The following IGF2BP1 variants were observed in gnomAD, a reference collection of about 807,000 sequenced individuals.
IGF2BP1 encodes the protein insulin-like growth factor 2 mRNA-binding protein 1.
In IGF2BP1, 11 loss-of-function variants were observed where a neutral mutation model predicts 74.9. The ratio of observed to expected loss-of-function variants is 0.15; its 90% CI spans 0.09 to 0.24. IGF2BP1 has a LOEUF of 0.24. Among genes scored for constraint, IGF2BP1 ranks in the 10% least tolerant of loss-of-function variants. The pLI is 1.00. For synonymous variants in IGF2BP1, 287 were observed against 281.8 expected, an observed-to-expected ratio of 1.02 and a Z score of -0.18; for missense variants, 440 against 757.4, an observed-to-expected ratio of 0.58 and a Z score of 4.92.
rs1052336297 is a variant in IGF2BP1 at position 49,052,819 on chromosome 17, C to CT, written c.*3376dup. ...GACTTAAAAAAAATGCTTCTGTGCTCTAAGATATATATGTGTGTGTGTGTG... is the reference window on the plus strand; with the variant it reads ...GACTTAAAAAAAATGCTTCTGTGCTCTTAAGATATATATGTGTGTGTGTGTG... On this transcript the variant is annotated 3_prime_UTR_variant, in exon 15 of 15. Transcript: ENST00000290341. 1 of 152,482 alleles carries CT rather than the reference C, an allele frequency of 6.6e-6. No individual in the cohort carries two copies. The highest frequency in any genetic ancestry group is 2.4e-5 in the African/African-American group (1 of 41,404). 9.4% of individuals were successfully genotyped at this position (152,482 alleles called of 1,614,324 possible). A position where few individuals can be genotyped will look rare whatever the true frequency, so the allele number is the denominator to read the frequency against.
chr17:49,040,952 C>T (rs944104778), intron 7 of IGF2BP1, among the ~76,000 whole-genome samples: 1 of 152,104 alleles, frequency 6.6e-6, no homozygotes, highest in Non-Finnish European at 1.5e-5. Flanking sequence ...GCCTCTAATC[C>T]CAGCACTTTG....
intron 2 of IGF2BP1, among the ~76,000 whole-genome samples, chr17:49,007,468 T>C (rs1478892875): frequency 1.3e-5 from 2 of 152,324 alleles, no homozygotes; most frequent in East Asian, 3.9e-4. Context: ...CACACGTCCA[T>C]AGCCCCAGCC....
chr17:49,011,156 A>C lies in IGF2BP1; in HGVS notation c.236+11987A>C, dbSNP rs66460624. Among the ~76,000 whole-genome samples the C allele has an allele frequency of 1.4e-3, 210 of 149,292 alleles. 2 individuals are homozygous for C. In the Middle Eastern group the frequency reaches 0.021, roughly 15 times the overall value. On this transcript the variant is annotated intron_variant, in intron 2 of 14. Coordinates refer to ENST00000290341, the MANE Select transcript of IGF2BP1 (RefSeq NM_006546.4). ...CTGTCTCAAAAAAAAAAAAAAAAAA[A>C]AAAAAAAAAAACAAACCCTAAAAAA...
Position 48,998,058 on chromosome 17 carries a change from A to AC in IGF2BP1, c.175+143dup, listed in dbSNP as rs1462311839. 12 of 820,460 alleles carry AC rather than the reference A, an allele frequency of 1.5e-5. No individual in the cohort carries two copies. In the Admixed American group the frequency reaches 3.0e-4, roughly 21 times the overall value. 50.8% of individuals were successfully genotyped at this position (820,460 alleles called of 1,614,324 possible). ...TGGCCTCCGTACCCACCCTCGACCT[A>AC]CCCCCTTCGATGCCCCCTCCCTCGC... On this transcript the variant is annotated intron_variant, in intron 1 of 14. Coordinates refer to ENST00000290341, the MANE Select transcript of IGF2BP1 (RefSeq NM_006546.4).
At chr17:48,999,523 A>C (rs1479488219) in intron 2 of IGF2BP1, among the ~76,000 whole-genome samples, 1 of 152,116 alleles carries the variant, frequency 6.6e-6, no homozygotes, top group Non-Finnish European at 1.5e-5. Context: ...GTTCAGACTC[A>C]TGGCGATTTC....
At chr17:49,039,171 C>T (rs1054997702) in intron 6 of IGF2BP1, among the ~76,000 whole-genome samples, 3 of 152,166 alleles carry the variant, frequency 2.0e-5, no homozygotes, top group East Asian at 1.9e-4. Context: ...CTACCACACC[C>T]GGCCTTTTCT....
chr17:49,016,321 C>T (rs1391146067), intron 2 of IGF2BP1, among the ~76,000 whole-genome samples: 2 of 152,194 alleles, frequency 1.3e-5, no homozygotes, highest in African/African-American at 4.8e-5. Flanking sequence ...AGAGGCTTAC[C>T]CCTTTCCTTT....
At chr17:49,046,666 AAT>A (rs201160910) in intron 14 of IGF2BP1, among the ~76,000 whole-genome samples, 18 of 148,776 alleles carry the variant, frequency 1.2e-4, no homozygotes, top group African/African-American at 3.2e-4. Context: ...ATTATATGTA[AAT>A]ATATATATAT....
intron 14 of IGF2BP1, among the ~76,000 whole-genome samples, chr17:49,047,340 A>T (rs2042117440): frequency 6.6e-6 from 1 of 152,016 alleles, no homozygotes; most frequent in East Asian, 1.9e-4. Context: ...TATATATATA[A>T]AATAACAAAA....
At chr17:49,026,620 C>T (rs1181639463) in intron 4 of IGF2BP1, 103 bp downstream of exon 4, 8 of 475,674 alleles carry the variant, frequency 1.7e-5, no homozygotes, top group Admixed American at 4.2e-5. Context: ...TCCCTTCCTT[C>T]CTTCCTTCCT....
rs373715228 is a variant in IGF2BP1 at position 49,009,405 on chromosome 17, T to C, written c.236+10236T>C. 2.0e-5 allele frequency among the ~76,000 whole-genome samples: 3 copies of C among 152,200 alleles called. No individual in the cohort carries two copies. The East Asian group carries it at 5.8e-4, about 29-fold the overall frequency. ...AGGTTTTTCTCTTTATCCTTGGTAT[T>C]TTTTTTAAAAAAATTATTTTTAGGC... On this transcript the variant is annotated intron_variant, in intron 2 of 14. Transcript: ENST00000290341.
chr17:49,039,340 C>G (rs1423713270), intron 6 of IGF2BP1, among the ~76,000 whole-genome samples: 1 of 152,148 alleles, frequency 6.6e-6, no homozygotes, highest in Non-Finnish European at 1.5e-5. Flanking sequence ...GGAAATGCAG[C>G]TTTGGAGCTG....
intron 6 of IGF2BP1, 39 bp from the exon 7 acceptor site, chr17:49,039,918 C>G: frequency 6.2e-7 from 1 of 1,608,514 alleles, no homozygotes; most frequent in Non-Finnish European, 8.5e-7. Flanking sequence ...ACTGGTATCA[C>G]TGGGGACAAC....
rs1302519502 is a variant in IGF2BP1, at chr17:49,054,596, T to A, written c.*5152T>A. ...TGTGTCACCCCTTTGGCCTCCAGCT[T>A]GTCCCTCTCTCACTTTCTATAGCTT... On this transcript the variant is annotated 3_prime_UTR_variant, in exon 15 of 15. Transcript: ENST00000290341. The A allele has an allele frequency of 6.6e-6, 1 of 152,432 alleles. No homozygotes were observed. Among genetic ancestry groups the A allele is most frequent in the African/African-American group, 2.4e-5 (1 of 41,464 alleles). The allele number at this position is 152,432 out of a possible 1,614,324, so 9.4% of individuals were successfully genotyped here.
intron 5 of IGF2BP1, among the ~76,000 whole-genome samples, chr17:49,034,774 C>T (rs895404604): frequency 2.1e-4 from 31 of 146,206 alleles, no homozygotes; most frequent in Admixed American, 1.0e-3. Flanking sequence ...ACAAAAAAAA[C>T]GAAAAACCAA....
intron 5 of IGF2BP1, among the ~76,000 whole-genome samples, chr17:49,036,152 T>A (rs986302800): frequency 2.0e-5 from 3 of 152,190 alleles, no homozygotes; most frequent in Non-Finnish European, 4.4e-5. Flanking sequence ...TAGCAGGTAG[T>A]AAAATGGCTG....
intron 14 of IGF2BP1, among the ~76,000 whole-genome samples, chr17:49,048,844 T>C (rs1006087533): frequency 6.6e-6 from 1 of 152,110 alleles, no homozygotes; most frequent in Non-Finnish European, 1.5e-5. Context: ...ACACTCCTTA[T>C]GAGAATCTAC....
intron 4 of IGF2BP1, among the ~76,000 whole-genome samples, chr17:49,029,626 G>A (rs924455284): frequency 6.6e-6 from 1 of 151,922 alleles, no homozygotes; most frequent in Non-Finnish European, 1.5e-5. Context: ...TTAACTTTAT[G>A]TATTTATTTA....
rs61620827 is a variant in IGF2BP1, at chr17:49,011,137, CAAAAAAAAAAAAAA to C, written c.236+11985_236+11998del. Reference sequence around the variant, plus strand: ...TGGGCAACAGAGTGAGACTCTGTCTCAAAAAAAAAAAAAAAAAAAAAAAAAAAAAACAAACCCTA... The same window carrying C: ...TGGGCAACAGAGTGAGACTCTGTCTCAAAAAAAAAAAAAAAACAAACCCTA... On this transcript the variant is annotated intron_variant, in intron 2 of 14. Coordinates refer to ENST00000290341, the MANE Select transcript of IGF2BP1 (RefSeq NM_006546.4). Among the ~76,000 whole-genome samples, 43 of 57,298 alleles carry C rather than the reference CAAAAAAAAAAAAAA, an allele frequency of 7.5e-4. 1 individual carries two copies. Among genetic ancestry groups the C allele is most frequent in the Non-Finnish European group, 5.8e-4 (18 of 30,934 alleles). 37.6% of individuals were successfully genotyped at this position (57,298 alleles called of 152,430 possible). A position where few individuals can be genotyped will look rare whatever the true frequency, so the allele number is the denominator to read the frequency against.
Sources: allele counts gnomAD v4.1 joint callset (sites outside exome capture counted in the v4.1 genomes callset), GRCh38; gene constraint gnomAD v4.1.1; transcripts MANE v1.5; gene names NCBI Gene and HGNC (gene_info 2026-07-23, HGNC 2026-07-21).